The following RAB2A variants were observed in gnomAD, a reference collection of about 807,000 sequenced individuals.
The protein encoded by RAB2A is ras-related protein Rab-2A.
In RAB2A, 7 loss-of-function variants were observed where a neutral mutation model predicts 32.5. That is an observed-to-expected ratio of 0.22 (90% CI 0.12 to 0.40). RAB2A has a LOEUF of 0.40. Among genes scored for constraint, RAB2A ranks in the 10% least tolerant of loss-of-function variants. The probability of loss-of-function intolerance (pLI) is 1.00; values close to 1 mark genes in which losing one functional copy is unlikely to be tolerated. For synonymous variants in RAB2A, 79 were observed against 85.2 expected, an observed-to-expected ratio of 0.93 and a Z score of 0.40; for missense variants, 108 against 260.7, an observed-to-expected ratio of 0.41 and a Z score of 4.03.
At chr8:60,519,836 CGTTGTT>C (rs751526438) in intron 1 of RAB2A, among the ~76,000 whole-genome samples, 3 of 151,870 alleles carry the variant, frequency 2.0e-5, no homozygotes, top group African/African-American at 7.3e-5. Flanking sequence ...GAAGTGGTGT[CGTTGTT>C]GTTGTTGTTG....
chr8:60,621,041 G>A lies in RAB2A; in HGVS notation c.*272G>A, dbSNP rs569893659. 3.2e-5 allele frequency: 11 copies of A among 345,650 alleles called. No homozygotes were observed. The highest frequency in any genetic ancestry group is 1.8e-4 in the East Asian group (3 of 16,986). The allele number at this position is 345,650 out of a possible 1,614,324, so 21.4% of individuals were successfully genotyped here. A position where few individuals can be genotyped will look rare whatever the true frequency, so the allele number is the denominator to read the frequency against. On this transcript the variant is annotated 3_prime_UTR_variant, in exon 8 of 8. Transcript: ENST00000262646. ...AATGTTGTCTTGTGCCCTTAACTAC[G>A]AACTGAATTGTATTAAACACTACAA...
chr8:60,518,049 C>A (rs1471066781), intron 1 of RAB2A, among the ~76,000 whole-genome samples: 1 of 152,098 alleles, frequency 6.6e-6, no homozygotes, highest in African/African-American at 2.4e-5. Context: ...TCCGGTGTCA[C>A]AACTGCTAAT....
chr8:60,604,923 A>G (rs946612182), intron 6 of RAB2A, among the ~76,000 whole-genome samples: 3 of 152,230 alleles, frequency 2.0e-5, no homozygotes, highest in African/African-American at 7.2e-5. Context: ...AGAAATTTGC[A>G]TAAGTAAAAA....
At position 60,555,513 on chromosome 8, in the gene RAB2A, T is replaced by TA. The variant is rs200750893; in HGVS notation, c.47-3329dup. ...GATTCATATACAAGGAACTCAACAA[T>TA]AAAAAAAAAATCTGATTTAAAAATG... On this transcript the variant is annotated intron_variant, in intron 1 of 7. Transcript: ENST00000262646. Among the ~76,000 whole-genome samples the TA allele has an allele frequency of 6.0e-4, 89 of 147,178 alleles. 1 individual carries two copies. The South Asian group carries it at 6.4e-3, about 11-fold the overall frequency.
chr8:60,592,820 A>C (rs1466776798), intron 6 of RAB2A, among the ~76,000 whole-genome samples: 1 of 152,204 alleles, frequency 6.6e-6, no homozygotes, highest in Non-Finnish European at 1.5e-5. Context: ...GTTATTTTAT[A>C]AAAAGAGGTA....
In RAB2A at chr8:60,590,322, T is replaced by C. The variant is rs569911560; in HGVS notation, c.363-1536T>C. Reference sequence around the variant, plus strand: ...CCTACTGAGTGATTTTTACAATTCATTGAGTCATGACACAGTTTGAAAAAT... The same window carrying C: ...CCTACTGAGTGATTTTTACAATTCACTGAGTCATGACACAGTTTGAAAAAT... On this transcript the variant is annotated intron_variant, in intron 5 of 7. Coordinates refer to ENST00000262646, the MANE Select transcript of RAB2A (RefSeq NM_002865.3). Among the ~76,000 whole-genome samples, 9 of 151,874 alleles carry C rather than the reference T, an allele frequency of 5.9e-5. No homozygotes were observed. In the South Asian group the frequency reaches 1.7e-3, roughly 28 times the overall value.
At chr8:60,533,392 T>C (rs1807506570) in intron 1 of RAB2A, among the ~76,000 whole-genome samples, 1 of 152,326 alleles carries the variant, frequency 6.6e-6, no homozygotes, top group Non-Finnish European at 1.5e-5. Flanking sequence ...TTAGGAATGG[T>C]TGAGTATCTG....
intron 1 of RAB2A, among the ~76,000 whole-genome samples, chr8:60,549,773 T>G (rs1807816602): frequency 6.6e-6 from 1 of 152,132 alleles, no homozygotes; most frequent in African/African-American, 2.4e-5. Context: ...CCATTTCTGT[T>G]GGAAAAGTAG....
At chr8:60,568,423 GAAT>G (rs1714351619) in intron 2 of RAB2A, among the ~76,000 whole-genome samples, 1 of 151,976 alleles carries the variant, frequency 6.6e-6, no homozygotes, top group African/African-American at 2.4e-5. Flanking sequence ...GCATAATATG[GAAT>G]AATAATAATT....
At chr8:60,550,690 C>T (rs1055136116) in intron 1 of RAB2A, among the ~76,000 whole-genome samples, 1 of 152,084 alleles carries the variant, frequency 6.6e-6, no homozygotes, top group African/African-American at 2.4e-5. Context: ...GCCTTCTTTG[C>T]TTCTACTCTC....
chr8:60,558,718 A>C (rs1192693768), intron 1 of RAB2A, 134 bp from the exon 2 acceptor site: 6 of 737,896 alleles, frequency 8.1e-6, no homozygotes, highest in Non-Finnish European at 1.4e-5. Context: ...GCAAGAAATT[A>C]GAGTACTGAG....
intron 3 of RAB2A, among the ~76,000 whole-genome samples, chr8:60,573,415 A>G (rs1808225055): frequency 6.6e-6 from 1 of 152,232 alleles, no homozygotes; most frequent in African/African-American, 2.4e-5. Flanking sequence ...CCCTAGACCA[A>G]GCAAGTTGCT....
intron 6 of RAB2A, among the ~76,000 whole-genome samples, chr8:60,599,623 G>A (rs561505789): frequency 1.2e-4 from 19 of 152,170 alleles, no homozygotes; most frequent in Middle Eastern, 6.8e-3. Context: ...GGAAACACGC[G>A]TACAAATATG....
intron 1 of RAB2A, among the ~76,000 whole-genome samples, chr8:60,547,463 G>A (rs603532): frequency 6.6e-6 from 1 of 151,968 alleles, no homozygotes; most frequent in East Asian, 2.0e-4. Flanking sequence ...TCACTTCCCA[G>A]TAGGCGCGGC....
chr8:60,570,907 G>A (rs930924356), intron 2 of RAB2A, among the ~76,000 whole-genome samples: 6 of 152,146 alleles, frequency 3.9e-5, no homozygotes, highest in African/African-American at 1.4e-4. Flanking sequence ...CTCTTCTCTG[G>A]GAAACTAGAA....
At chr8:60,572,961 G>C (rs1808217834) in intron 3 of RAB2A, among the ~76,000 whole-genome samples, 1 of 152,118 alleles carries the variant, frequency 6.6e-6, no homozygotes, top group Non-Finnish European at 1.5e-5. Context: ...CATTTTTCTA[G>C]TGAGACTAGT....
At chr8:60,609,932 C>T (rs914794953) in intron 6 of RAB2A, among the ~76,000 whole-genome samples, 14 of 141,986 alleles carry the variant, frequency 9.9e-5, no homozygotes, top group Non-Finnish European at 1.6e-4. Flanking sequence ...GCACTCCAGC[C>T]GGGGCAACAA....
At chr8:60,597,930 T>C (rs535439749) in intron 6 of RAB2A, among the ~76,000 whole-genome samples, 1 of 102,520 alleles carries the variant, frequency 9.8e-6, no homozygotes, top group Non-Finnish European at 1.7e-5. Flanking sequence ...TGTGACAACT[T>C]AGATGACTAA....
intron 1 of RAB2A, among the ~76,000 whole-genome samples, chr8:60,522,945 C>T (rs1807323703): frequency 6.6e-6 from 1 of 152,004 alleles, no homozygotes; most frequent in Non-Finnish European, 1.5e-5. Flanking sequence ...AAACCTGCGG[C>T]CAGAAGTACT....
Sources: allele counts gnomAD v4.1 joint callset (sites outside exome capture counted in the v4.1 genomes callset), GRCh38; gene constraint gnomAD v4.1.1; transcripts MANE v1.5; gene names NCBI Gene and HGNC (gene_info 2026-07-23, HGNC 2026-07-21).